ARHGEF10: variants seen among roughly 807,000 people sequenced by gnomAD.
The protein encoded by ARHGEF10 is Rho guanine nucleotide exchange factor (GEF) 10.
In ARHGEF10, 140 loss-of-function variants were observed where a neutral mutation model predicts 147.4. The observed-to-expected ratio is 0.95, with a 90% CI of 0.83 to 1.09. The LOEUF (loss-of-function observed/expected upper bound fraction) is 1.09. Among genes scored for constraint, ARHGEF10 ranks in the 50% least tolerant of loss-of-function variants. ARHGEF10 has a pLI of 0.00. For missense variants in ARHGEF10, 2,222 were observed against 1,752.7 expected (o/e 1.27, Z -4.78); for synonymous variants, 902 against 695.8 (o/e 1.30, Z -4.67).
chr8:1,938,788 C>G (rs1813831483), intron 26 of ARHGEF10, among the ~76,000 whole-genome samples: 1 of 152,066 alleles, frequency 6.6e-6, no homozygotes, highest in Non-Finnish European at 1.5e-5. Context: ...GAAAATAAAA[C>G]AACAGGCCCA....
chr8:1,938,423 A>G (rs1333799572), intron 26 of ARHGEF10, among the ~76,000 whole-genome samples: 2 of 152,224 alleles, frequency 1.3e-5, no homozygotes, highest in East Asian at 1.9e-4. Context: ...TTTCTGCAAT[A>G]TGCAGTGCTC....
intron 11 of ARHGEF10, among the ~76,000 whole-genome samples, chr8:1,887,564 C>T (rs1315754597): frequency 6.9e-6 from 1 of 144,368 alleles, no homozygotes; most frequent in African/African-American, 2.6e-5. Context: ...GGTGAGGAGT[C>T]TGTGAGGAGA....
chr8:1,889,220 G>GGTGAGGGTTGTGTGAGATACTTGGTGGT, intron 11 of ARHGEF10, among the ~76,000 whole-genome samples: 1 of 90,078 alleles, frequency 1.1e-5, no homozygotes, highest in African/African-American at 5.7e-5. Flanking sequence ...CACTGAATGG[G>GGTGAGGGTTGTGTGAGATACTTGGTGGT]GTGAGGGTTG....
intron 10 of ARHGEF10, among the ~76,000 whole-genome samples, chr8:1,884,250 G>GCC (rs1808461018): frequency 1.3e-5 from 2 of 152,066 alleles, no homozygotes; most frequent in Non-Finnish European, 2.9e-5. Context: ...AAAAAAATTA[G>GCC]CTGGGCGTGG....
chr8:1,928,321 C>G, intron 23 of ARHGEF10, 106 bp from the exon 24 acceptor site: 1 of 996,598 alleles, frequency 1.0e-6, no homozygotes, highest in Non-Finnish European at 1.6e-6. Flanking sequence ...TGTTGATTCT[C>G]ACATGAAAAT....
intron 2 of ARHGEF10, among the ~76,000 whole-genome samples, chr8:1,844,394 A>G (rs6989234): frequency 0.047 from 1,272 of 27,344 alleles, no homozygotes; most frequent in Non-Finnish European, 0.064. Context: ...GGGGCCTGGT[A>G]GATGACAGAG....
chr8:1,852,629 A>T (rs1010956965), intron 2 of ARHGEF10, among the ~76,000 whole-genome samples: 36 of 152,294 alleles, frequency 2.4e-4, no homozygotes, highest in Middle Eastern at 3.4e-3. Context: ...TTTTTTGCAT[A>T]TAGGCATAAC....
At chr8:1,880,297 C>T (rs991060568) in intron 9 of ARHGEF10, 133 bp downstream of exon 9, 8 of 698,126 alleles carry the variant, frequency 1.1e-5, no homozygotes, top group African/African-American at 1.8e-5. Context: ...AATCCCCCGA[C>T]GCTTTGGGGC....
intron 23 of ARHGEF10, 139 bp from the exon 24 acceptor site, chr8:1,928,288 A>ATTTTTTTT: frequency 1.3e-6 from 1 of 785,226 alleles, no homozygotes; most frequent in Non-Finnish European, 2.1e-6. Flanking sequence ...TTGTTTAAGA[A>ATTTTTTTT]TTTTTTTTTA....
chr8:1,847,526 C>T (rs1804649702), intron 2 of ARHGEF10, among the ~76,000 whole-genome samples: 1 of 152,102 alleles, frequency 6.6e-6, no homozygotes, highest in Non-Finnish European at 1.5e-5. Flanking sequence ...TACCTGGTAA[C>T]TTCCATAATG....
intron 11 of ARHGEF10, among the ~76,000 whole-genome samples, chr8:1,886,920 G>C (rs750124454): frequency 6.6e-6 from 1 of 152,166 alleles, no homozygotes; most frequent in African/African-American, 2.4e-5. Context: ...ACACGTCCAG[G>C]GGGGTGGTTG....
At chr8:1,875,924 A>C (rs1807659045) in intron 7 of ARHGEF10, 4 of 153,466 alleles carry the variant, frequency 2.6e-5, no homozygotes, top group Admixed American at 2.6e-4. Flanking sequence ...GTATCTAAGA[A>C]ACCAGGTAAA....
chr8:1,931,865 C>T (rs1171624522), intron 25 of ARHGEF10, among the ~76,000 whole-genome samples: 1 of 152,224 alleles, frequency 6.6e-6, no homozygotes, highest in African/African-American at 2.4e-5. Flanking sequence ...CCAAGAAAGA[C>T]AAGCCCACAC....
intron 11 of ARHGEF10, among the ~76,000 whole-genome samples, chr8:1,889,980 C>T (rs1429545936): frequency 7.1e-6 from 1 of 141,626 alleles, no homozygotes; most frequent in African/African-American, 2.8e-5. Flanking sequence ...TGAGGAGACA[C>T]TGAGTGATGT....
At chr8:1,825,679 C>T (rs1166720496) in intron 1 of ARHGEF10, among the ~76,000 whole-genome samples, 1 of 152,066 alleles carries the variant, frequency 6.6e-6, no homozygotes, top group Non-Finnish European at 1.5e-5. Flanking sequence ...CCGACTGTGG[C>T]CAGTAGGTCA....
Position 1,933,861 on chromosome 8 carries a change from T to C in ARHGEF10, c.3141T>C (p.Ser1047=). The C allele has an allele frequency of 5.0e-6, 8 of 1,614,198 alleles. No homozygotes were observed. Among genetic ancestry groups the C allele is most frequent in the Non-Finnish European group, 6.8e-6 (8 of 1,180,040 alleles). ...AGTTAGGCGTCCTACCAGTTAGAAG[T>C]CTACTCATGATGGAAGACACGTTGT... ...VIKLGVLPVR[S]LLMMEDTLWA... Residue 1047 remains serine (S), a synonymous_variant, in exon 26 of 29, where the codon AGT becomes AGC. Coordinates refer to ENST00000349830, the MANE Select transcript of ARHGEF10 (RefSeq NM_014629.4).
At chr8:1,887,882 T>A (rs1808828815) in intron 11 of ARHGEF10, among the ~76,000 whole-genome samples, 1 of 144,400 alleles carries the variant, frequency 6.9e-6, no homozygotes, top group Non-Finnish European at 1.5e-5. Context: ...AGTCACCAAG[T>A]GCCGTGAGAG....
At chr8:1,845,804 C>T (rs1473544550) in intron 2 of ARHGEF10, among the ~76,000 whole-genome samples, 3 of 152,110 alleles carry the variant, frequency 2.0e-5, no homozygotes, top group Admixed American at 6.5e-5. Flanking sequence ...GTTCCTGGGC[C>T]CATAGGACTC....
chr8:1,838,830 T>C (rs1803748351), intron 1 of ARHGEF10, among the ~76,000 whole-genome samples: 1 of 147,594 alleles, frequency 6.8e-6, no homozygotes. Context: ...TCCAGTGTGG[T>C]TGCTGTCTGG....
Sources: allele counts gnomAD v4.1 joint callset (sites outside exome capture counted in the v4.1 genomes callset), GRCh38; gene constraint gnomAD v4.1.1; transcripts MANE v1.5; gene names NCBI Gene and HGNC (gene_info 2026-07-23, HGNC 2026-07-21).